DPH6: variants seen among roughly 807,000 people sequenced by gnomAD.
The protein encoded by DPH6 is diphthamine biosynthesis 6.
DPH6 carries 33 observed loss-of-function variants against 38.2 expected under a neutral mutation model. The observed-to-expected ratio is 0.86, with a 90% confidence interval of 0.65 to 1.15. The LOEUF is 1.15. Ranked by LOEUF, DPH6 falls within the 50% of genes most tolerant of loss-of-function variation. The pLI, the probability that DPH6 is intolerant of heterozygous loss-of-function variation, is 0.00. For missense variants in DPH6, 325 were observed against 320.0 expected (o/e 1.02, Z -0.12); for synonymous variants, 108 against 103.0 (o/e 1.05, Z -0.30).
At chr15:35,401,803 G>A (rs2053223631) in intron 6 of DPH6, 8 of 602,492 alleles carry the variant, frequency 1.3e-5, no homozygotes, top group South Asian at 1.2e-4. Context: ...CAGGAGAGGA[G>A]AGCCAGAGAA....
At chr15:35,344,533 T>C (rs986322648) in intron 3 of DPH6, among the ~76,000 whole-genome samples, 2 of 151,904 alleles carry the variant, frequency 1.3e-5, no homozygotes, top group Non-Finnish European at 3.0e-5. Flanking sequence ...CAAAAAATGC[T>C]AGATTCCAAA....
At chr15:35,512,092 A>G (rs1393985644) in intron 3 of DPH6, among the ~76,000 whole-genome samples, 2 of 152,180 alleles carry the variant, frequency 1.3e-5, no homozygotes, top group African/African-American at 4.8e-5. Context: ...TGGGATATTA[A>G]TGGGATAAAG....
intron 7 of DPH6, among the ~76,000 whole-genome samples, chr15:35,374,542 T>C (rs543267279): frequency 6.6e-6 from 1 of 152,128 alleles, no homozygotes; most frequent in African/African-American, 2.4e-5. Context: ...TAAACTTTCA[T>C]AAGCAAAATG....
At chr15:35,516,767 T>A (rs1479800471) in intron 3 of DPH6, among the ~76,000 whole-genome samples, 1 of 152,122 alleles carries the variant, frequency 6.6e-6, no homozygotes, top group Non-Finnish European at 1.5e-5. Flanking sequence ...GTAACCCTAA[T>A]CACAACTCAG....
chr15:35,501,546 A>T (rs1179514292), intron 3 of DPH6, among the ~76,000 whole-genome samples: 5 of 152,176 alleles, frequency 3.3e-5, no homozygotes, highest in Non-Finnish European at 7.3e-5. Context: ...AAAGAACTTA[A>T]AGAAAAATTT....
rs533235178 is a variant in DPH6 at position 35,450,718 on chromosome 15, T to C, written c.472A>G (p.Ile158Val). ...GCTACTTTGATGATCATTGCTTGAA[T>C]GTTAGATGATATCATCTCTCTGAGC... ...DLLREMISSN[I>V]QAMIIKVAAL... The change falls in exon 5 of 9, where the codon ATT becomes GTT. Residue 158 changes from isoleucine to valine, a missense_variant. Physicochemically the swap from Ile to Val is conservative, Grantham distance 29. Coordinates refer to ENST00000256538, the MANE Select transcript of DPH6 (RefSeq NM_080650.4). 12 of 1,613,380 alleles carry C rather than the reference T, an allele frequency of 7.4e-6. 1 individual carries two copies. In the South Asian group the frequency reaches 1.1e-4, roughly 15 times the overall value.
chr15:35,216,825 T>C (rs1444256703), downstream of DPH6, among the ~76,000 whole-genome samples: 1 of 152,188 alleles, frequency 6.6e-6, no homozygotes, highest in Non-Finnish European at 1.5e-5. Context: ...GTTGCTGAAC[T>C]GGGGCAATGG....
intron 3 of DPH6, among the ~76,000 whole-genome samples, chr15:35,516,570 C>T (rs1274131322): frequency 6.6e-6 from 1 of 152,132 alleles, no homozygotes; most frequent in Admixed American, 6.5e-5. Context: ...CCACTTATCC[C>T]TCAAAGGCAA....
intron 3 of DPH6, among the ~76,000 whole-genome samples, chr15:35,503,481 G>C (rs762174790): frequency 2.0e-5 from 3 of 151,946 alleles, no homozygotes; most frequent in Non-Finnish European, 4.4e-5. Flanking sequence ...TGAGGCAAAT[G>C]ATCTTGCCTC....
intron 3 of DPH6, among the ~76,000 whole-genome samples, chr15:35,461,810 CAG>C (rs919735262): frequency 1.3e-5 from 2 of 151,966 alleles, no homozygotes; most frequent in African/African-American, 2.4e-5. Context: ...AAAGAAAAAA[CAG>C]GGTAATGTTT....
the DPH6 span, among the ~76,000 whole-genome samples, chr15:35,198,141 T>TC: frequency 1.3e-5 from 2 of 152,000 alleles, no homozygotes; most frequent in African/African-American, 2.4e-5. Context: ...CTAGTTGTTT[T>TC]TTTTTTCTAA....
intron 3 of DPH6, among the ~76,000 whole-genome samples, chr15:35,311,193 G>A (rs773304109): frequency 2.0e-5 from 3 of 152,134 alleles, no homozygotes; most frequent in East Asian, 3.9e-4. Flanking sequence ...TGAATTATAC[G>A]TAGTACTCAA....
At chr15:35,535,736 G>A (rs528429591) in intron 3 of DPH6, among the ~76,000 whole-genome samples, 106 of 152,118 alleles carry the variant, frequency 7.0e-4, no homozygotes, top group Middle Eastern at 3.4e-3. Context: ...AAAATCTTTC[G>A]CAAACAGCTT....
At chr15:35,209,777 A>G in the DPH6 span, among the ~76,000 whole-genome samples, 1 of 152,212 alleles carries the variant, frequency 6.6e-6, no homozygotes, top group Non-Finnish European at 1.5e-5. Flanking sequence ...GCCAATTACG[A>G]GGCAGAACAC....
intron 3 of DPH6, among the ~76,000 whole-genome samples, chr15:35,496,622 A>T (rs1306453488): frequency 7.2e-6 from 1 of 138,520 alleles, no homozygotes; most frequent in East Asian, 2.2e-4. Flanking sequence ...AGAGATAAAG[A>T]GAACCAAATA....
chr15:35,163,857 T>C, the DPH6 span, among the ~76,000 whole-genome samples: 1 of 151,754 alleles, frequency 6.6e-6, no homozygotes, highest in African/African-American at 2.4e-5. Context: ...AGTAGCTCAG[T>C]GGGAACATAA....
exon 4 of DPH6, chr15:35,330,894 T>C (rs572583614): frequency 6.6e-6 from 1 of 152,292 alleles, no homozygotes; most frequent in South Asian, 2.1e-4. Flanking sequence ...TAATTTATTT[T>C]CTGTTTTAAA....
At chr15:35,250,897 T>G (rs2051669367) in intron 3 of DPH6, among the ~76,000 whole-genome samples, 1 of 152,242 alleles carries the variant, frequency 6.6e-6, no homozygotes, top group Admixed American at 6.5e-5. Flanking sequence ...TTTAAATGTA[T>G]ATTCCCATAT....
chr15:35,459,565 A>T (rs1464822639), intron 3 of DPH6, among the ~76,000 whole-genome samples: 1 of 152,188 alleles, frequency 6.6e-6, no homozygotes, highest in Non-Finnish European at 1.5e-5. Flanking sequence ...TCTGGTGCTC[A>T]AGACAGTATA....
Sources: gnomAD v4.1 joint callset for allele counts (sites outside exome capture counted in the v4.1 genomes callset) on GRCh38, gnomAD v4.1.1 for gene constraint, MANE v1.5 for transcripts, NCBI Gene and HGNC (gene_info 2026-07-23, HGNC 2026-07-21) for gene names.